Variants in FGD4 observed in about 807,000 individuals in gnomAD.
The protein encoded by FGD4 is FYVE, RhoGEF and PH domain-containing protein 4.
A neutral mutation model predicts 102.0 loss-of-function variants in FGD4; 42 were observed. The ratio of observed to expected loss-of-function variants is 0.41; its 90% confidence interval spans 0.32 to 0.53. The LOEUF (loss-of-function observed/expected upper bound fraction) is 0.53. Ranked by LOEUF, FGD4 falls within the 20% of genes least tolerant of loss-of-function variation. The pLI, the probability that FGD4 is intolerant of heterozygous loss-of-function variation, is 0.21. For missense variants in FGD4, 902 were observed against 1,078.2 expected (o/e 0.84, Z 2.29); for synonymous variants, 380 against 375.7 (o/e 1.01, Z -0.13).
chr12:32,597,296 G>A (rs1283981517), intron 4 of FGD4, among the ~76,000 whole-genome samples: 1 of 152,160 alleles, frequency 6.6e-6, no homozygotes, highest in East Asian at 1.9e-4. Context: ...GAAACAGGGT[G>A]GCAGTGTTGA....
At chr12:32,486,222 C>A (rs6488061) in intron 1 of FGD4, 992,557 of 1,361,842 alleles carry the variant, frequency 0.73, 365,567 homozygotes, top group Middle Eastern at 0.83. Flanking sequence ...GCAAAGTATA[C>A]AATAGATGAG....
intron 1 of FGD4, among the ~76,000 whole-genome samples, chr12:32,557,322 A>G (rs1944202597): frequency 6.6e-6 from 1 of 152,154 alleles, no homozygotes; most frequent in African/African-American, 2.4e-5. Context: ...CCTCACCTCC[A>G]TCTGCAATTC....
At chr12:32,611,311 A>G (rs1467382805) in intron 10 of FGD4, 28 bp downstream of exon 10, 2 of 1,613,208 alleles carry the variant, frequency 1.2e-6, no homozygotes, top group Non-Finnish European at 1.7e-6. Context: ...GGCAAGTCAT[A>G]TAAGAATTAT....
intron 1 of FGD4, among the ~76,000 whole-genome samples, chr12:32,539,399 A>G (rs1249081592): frequency 2.0e-5 from 3 of 151,922 alleles, no homozygotes; most frequent in African/African-American, 4.8e-5. Flanking sequence ...GAGAAACCGC[A>G]TCTCTACTAA....
At chr12:32,619,959 A>G in intron 11 of FGD4, 89 bp downstream of exon 11, 3 of 1,455,040 alleles carry the variant, frequency 2.1e-6, no homozygotes, top group South Asian at 2.3e-5. Flanking sequence ...GTTTTTCTCA[A>G]GTGAATGCTG....
intron 1 of FGD4, among the ~76,000 whole-genome samples, chr12:32,405,272 T>TTTC (rs1474312826): frequency 8.2e-5 from 12 of 146,216 alleles, no homozygotes; most frequent in African/African-American, 3.1e-4. Flanking sequence ...TTTTTTTTTT[T>TTTC]TTTTTTTTAG....
At chr12:32,582,857 C>T (rs987914077) in intron 4 of FGD4, 2 of 195,664 alleles carry the variant, frequency 1.0e-5, no homozygotes, top group Non-Finnish European at 2.1e-5. Flanking sequence ...TCAGAAGTTT[C>T]TAATAGAATA....
rs999585646 is a variant in FGD4 at position 32,506,814 on chromosome 12, CAG to C, written c.167-57321_167-57320del. Among the ~76,000 whole-genome samples the C allele has an allele frequency of 1.5e-4, 23 of 152,144 alleles. No homozygotes were observed. Among genetic ancestry groups the C allele is most frequent in the African/African-American group, 5.3e-4 (22 of 41,510 alleles). On this transcript the variant is annotated intron_variant, in intron 1 of 16. Transcript: ENST00000534526. The surrounding 1 kb of genome is among the most constrained non-coding windows in gnomAD (Gnocchi z 4.5). ...AAATTTACCTAGTAGTGGGAAGAGA[CAG>C]AATACAAAAGTAAAGAGATAAGTAA...
chr12:32,521,289 T>C (rs1197982402), intron 1 of FGD4, among the ~76,000 whole-genome samples: 1 of 150,766 alleles, frequency 6.6e-6, no homozygotes, highest in African/African-American at 2.4e-5. Context: ...GGCAGGAGAA[T>C]TGCTTGAACC....
At chr12:32,584,177 G>A (rs1308719846) in intron 4 of FGD4, among the ~76,000 whole-genome samples, 1 of 152,190 alleles carries the variant, frequency 6.6e-6, no homozygotes, top group Non-Finnish European at 1.5e-5. Context: ...CATGCTGTAT[G>A]TGGGAAGAAA....
chr12:32,625,886 A>T lies in FGD4; in HGVS notation c.2172+107A>T, dbSNP rs536078959. On this transcript the variant is annotated intron_variant, in intron 14 of 16. Transcript: ENST00000534526. Reference sequence around the variant, plus strand: ...ATGACTTTCAACAAATCACTTAATAAATTTATTTTGGTGCCAATTACGTGC... The same window carrying T: ...ATGACTTTCAACAAATCACTTAATATATTTATTTTGGTGCCAATTACGTGC... 1.6e-4 allele frequency: 246 copies of T among 1,504,534 alleles called. No homozygotes were observed. In the African/African-American group the frequency reaches 3.0e-3, roughly 18 times the overall value. 93.2% of individuals were successfully genotyped at this position (1,504,534 alleles called of 1,614,324 possible). A position where few individuals can be genotyped will look rare whatever the true frequency, so the allele number is the denominator to read the frequency against.
chr12:32,644,790 G>A lies in FGD4; in HGVS notation c.*4257G>A, dbSNP rs1368088669. 6.6e-6 allele frequency: 1 copy of A among 151,868 alleles called. No individual in the cohort carries two copies. Among genetic ancestry groups the A allele is most frequent in the Non-Finnish European group, 1.5e-5 (1 of 67,992 alleles). The allele number at this position is 151,868 out of a possible 1,614,324, so 9.4% of individuals were successfully genotyped here. ...GCACCCAGGTTTTTGACCTTGGCCT[G>A]TAAATGCTAGACTATGATATCTTGT... On this transcript the variant is annotated 3_prime_UTR_variant, in exon 17 of 17. Coordinates refer to ENST00000534526, the MANE Select transcript of FGD4 (RefSeq NM_001370298.3).
At position 32,645,932 on chromosome 12, in the gene FGD4, T is replaced by G. The variant is rs1374157077; in HGVS notation, c.*5399T>G. On this transcript the variant is annotated 3_prime_UTR_variant, in exon 17 of 17. Transcript: ENST00000534526. ...ACTTGCAGATAATGTATATATTGTG[T>G]AATATATGTATATTTGGTCATAAAA... is the stretch of plus-strand genomic sequence containing the variant. 1 of 152,194 alleles carries G rather than the reference T, an allele frequency of 6.6e-6. No homozygotes were observed. Among genetic ancestry groups the G allele is most frequent in the African/African-American group, 2.4e-5 (1 of 41,446 alleles). 9.4% of individuals were successfully genotyped at this position (152,194 alleles called of 1,614,324 possible). A position where few individuals can be genotyped will look rare whatever the true frequency, so the allele number is the denominator to read the frequency against.
chr12:32,599,610 T>C (rs536924950), intron 5 of FGD4, among the ~76,000 whole-genome samples: 16 of 126,722 alleles, frequency 1.3e-4, no homozygotes, highest in African/African-American at 4.7e-4. Flanking sequence ...TGCAGTGGTT[T>C]GATCTTGGCT....
intron 1 of FGD4, among the ~76,000 whole-genome samples, chr12:32,499,412 A>C (rs1314739478): frequency 6.6e-6 from 1 of 152,120 alleles, no homozygotes; most frequent in African/African-American, 2.4e-5. Context: ...GGACATTACT[A>C]TTCCTTACTC....
intron 1 of FGD4, among the ~76,000 whole-genome samples, chr12:32,412,829 C>T (rs1172815194): frequency 6.6e-6 from 1 of 151,784 alleles, no homozygotes; most frequent in Non-Finnish European, 1.5e-5. Context: ...ATCTGCCTGC[C>T]TCAGCCTCCT....
chr12:32,406,162 G>A (rs893544102), intron 1 of FGD4, among the ~76,000 whole-genome samples: 2 of 151,804 alleles, frequency 1.3e-5, no homozygotes, highest in African/African-American at 2.4e-5. Context: ...GGCTGGTCTC[G>A]AACTCCCGAC....
intron 1 of FGD4, among the ~76,000 whole-genome samples, chr12:32,413,520 C>T (rs1451125241): frequency 6.6e-6 from 1 of 152,146 alleles, no homozygotes; most frequent in Non-Finnish European, 1.5e-5. Context: ...ACTGTTGTGT[C>T]TAAGAGAAGC....
At chr12:32,597,010 C>T (rs1947957098) in intron 4 of FGD4, among the ~76,000 whole-genome samples, 1 of 151,712 alleles carries the variant, frequency 6.6e-6, no homozygotes, top group African/African-American at 2.4e-5. Flanking sequence ...GAGCAGAAAT[C>T]TTCGCATATA....
Sources: gnomAD v4.1 joint callset for allele counts (sites outside exome capture counted in the v4.1 genomes callset) on GRCh38, gnomAD v4.1.1 for gene constraint, Gnocchi (gnomAD v3.1) non-coding constraint, MANE v1.5 for transcripts, NCBI Gene and HGNC (gene_info 2026-07-23, HGNC 2026-07-21) for gene names.